The following GRIN2A variants were observed in gnomAD, a reference collection of about 807,000 sequenced individuals.
The protein encoded by GRIN2A is glutamate receptor ionotropic, NMDA 2A.
Under a neutral mutation model 113.4 loss-of-function variants are expected in GRIN2A, and 22 were observed. The observed-to-expected ratio is 0.19, with a 90% CI of 0.14 to 0.28. The LOEUF (loss-of-function observed/expected upper bound fraction) is 0.28. Among genes scored for constraint, GRIN2A ranks in the 10% least tolerant of loss-of-function variants. GRIN2A has a pLI of 1.00. For missense variants in GRIN2A, 1,502 were observed against 1,887.0 expected, an observed-to-expected ratio of 0.80 and a Z score of 3.78; for synonymous variants, 827 against 738.4, an observed-to-expected ratio of 1.12 and a Z score of -1.94.
At chr16:10,108,228 C>T (rs2048534853) in intron 2 of GRIN2A, among the ~76,000 whole-genome samples, 1 of 152,196 alleles carries the variant, frequency 6.6e-6, no homozygotes, top group Admixed American at 6.5e-5. Flanking sequence ...AGGTGCAAGT[C>T]AAGTCTTACA....
At chr16:10,006,781 C>G (rs978484390) in intron 2 of GRIN2A, among the ~76,000 whole-genome samples, 1 of 152,184 alleles carries the variant, frequency 6.6e-6, no homozygotes, top group Non-Finnish European at 1.5e-5. Flanking sequence ...AGCACCCTCT[C>G]TCACAACTAC....
chr16:9,831,820 T>C (rs1388001391), intron 8 of GRIN2A, among the ~76,000 whole-genome samples: 1 of 152,054 alleles, frequency 6.6e-6, no homozygotes, highest in Non-Finnish European at 1.5e-5. Context: ...CTGGCCTCCC[T>C]CCATTGTATT....
rs932479098 is a variant in GRIN2A, at chr16:10,024,814, G to A, written c.415-86263C>T. On this transcript the variant is annotated intron_variant, in intron 2 of 12. Transcript: ENST00000330684. ...ACTGCTTAGCAATTATATCAAGTAA[G>A]AGCTGTTGGATGGCATGAGAGACCA... Among the ~76,000 whole-genome samples, 2 of 152,202 alleles carry A rather than the reference G, an allele frequency of 1.3e-5. 1 individual carries two copies. Among genetic ancestry groups the A allele is most frequent in the South Asian group, 4.1e-4 (2 of 4,822 alleles).
chr16:9,980,780 C>T (rs6497601), intron 2 of GRIN2A, among the ~76,000 whole-genome samples: 127,710 of 147,238 alleles, frequency 0.87, 55,695 homozygotes, highest in African/African-American at 0.93. Flanking sequence ...TAGGTGGGAA[C>T]TGAACAATGA....
rs2050234959 is a variant in GRIN2A at position 10,180,213 on chromosome 16, C to T, written c.199G>A (p.Val67Met). ...TTCATCAGCAGAGCTACCACGTTCA[C>T]GTCCAGGGGCAGCCCCGCCGCCTGC... ...PEQAAGLPLD[V>M]NVVALLMNRT... is the part of the protein sequence containing the mutation. The change falls in exon 2 of 13, where the codon GTG (valine) becomes ATG (methionine). Residue 67 changes from valine to methionine, a missense_variant. Physicochemically the swap from Val to Met is conservative, Grantham distance 21 (BLOSUM62 1). Transcript: ENST00000330684. The surrounding 1 kb of genome is among the most constrained non-coding windows in gnomAD (Gnocchi z 7.0). 1 of 1,614,022 alleles carries T rather than the reference C, an allele frequency of 6.2e-7. No individual in the cohort carries two copies. Among genetic ancestry groups the T allele is most frequent in the African/African-American group, 1.3e-5 (1 of 74,950 alleles).
chr16:9,898,287 T>C lies in GRIN2A; in HGVS notation c.1008-7187A>G, dbSNP rs577056288. Among the ~76,000 whole-genome samples the C allele has an allele frequency of 3.3e-5, 5 of 152,162 alleles. No individual in the cohort carries two copies. The East Asian group carries it at 9.6e-4, about 29-fold the overall frequency. On this transcript the variant is annotated intron_variant, in intron 3 of 12. Coordinates refer to ENST00000330684, the MANE Select transcript of GRIN2A (RefSeq NM_001134407.3). ...AACACCCTACTACAAATGCAATGCT[T>C]TTTAAAGCCATGCTTCCCCTTGCCA...
intron 2 of GRIN2A, among the ~76,000 whole-genome samples, chr16:10,019,709 G>A (rs760677442): frequency 6.6e-6 from 1 of 152,172 alleles, no homozygotes; most frequent in Non-Finnish European, 1.5e-5. Flanking sequence ...TCAGCTCAGC[G>A]AGGGTTCAGG....
chr16:9,759,982 C>A lies in GRIN2A; in HGVS notation c.*3167G>T, dbSNP rs550965301. 2 of 230,922 alleles carry A rather than the reference C, an allele frequency of 8.7e-6. No individual in the cohort carries two copies. The highest frequency in any genetic ancestry group is 4.4e-5 in the African/African-American group (2 of 45,198). 14.3% of individuals were successfully genotyped at this position (230,922 alleles called of 1,614,324 possible). On this transcript the variant is annotated 3_prime_UTR_variant, in exon 13 of 13. Coordinates refer to ENST00000330684, the MANE Select transcript of GRIN2A (RefSeq NM_001134407.3). ...TATTACCCATGGACAGAGACCCAAC[C>A]GTTTGCATTCAAGTGTACCTATCTG... is the stretch of plus-strand genomic sequence containing the variant.
At chr16:10,165,847 G>A (rs980402781) in intron 2 of GRIN2A, among the ~76,000 whole-genome samples, 3 of 151,908 alleles carry the variant, frequency 2.0e-5, no homozygotes, top group African/African-American at 7.3e-5. Context: ...GGAAAAACTA[G>A]TATCAATTAA....
intron 2 of GRIN2A, among the ~76,000 whole-genome samples, chr16:10,047,647 A>C (rs1281118286): frequency 6.6e-6 from 1 of 152,174 alleles, no homozygotes; most frequent in South Asian, 2.1e-4. Context: ...AATAGCCAGC[A>C]CCTTCATCTT....
intron 2 of GRIN2A, among the ~76,000 whole-genome samples, chr16:10,120,933 T>C (rs1354844801): frequency 6.6e-6 from 1 of 151,860 alleles, no homozygotes; most frequent in Non-Finnish European, 1.5e-5. Context: ...TAACTTCAGC[T>C]CATTGTGGCA....
intron 2 of GRIN2A, among the ~76,000 whole-genome samples, chr16:9,939,017 C>T (rs990624449): frequency 1.3e-5 from 2 of 152,174 alleles, no homozygotes; most frequent in Admixed American, 6.5e-5. Flanking sequence ...CTTTGTTATA[C>T]AAGCCAGTGA....
At chr16:9,892,269 T>C (rs1334551382) in intron 3 of GRIN2A, among the ~76,000 whole-genome samples, 2 of 151,830 alleles carry the variant, frequency 1.3e-5, no homozygotes, top group African/African-American at 2.4e-5. Flanking sequence ...TGGGAAGACA[T>C]AGAAGCGAGG....
intron 2 of GRIN2A, among the ~76,000 whole-genome samples, chr16:10,030,177 G>C (rs1443647756): frequency 4.7e-5 from 2 of 42,232 alleles, no homozygotes; most frequent in Non-Finnish European, 1.1e-4. Context: ...TCACGTTCTT[G>C]GGTGATTTTT....
intron 3 of GRIN2A, among the ~76,000 whole-genome samples, chr16:9,934,326 A>G (rs1472388827): frequency 1.3e-5 from 2 of 152,286 alleles, no homozygotes; most frequent in East Asian, 3.9e-4. Flanking sequence ...TAATTCATCT[A>G]TGTATCCCAG....
intron 4 of GRIN2A, among the ~76,000 whole-genome samples, chr16:9,855,993 C>T (rs1224870801): frequency 6.6e-6 from 1 of 152,186 alleles, no homozygotes; most frequent in African/African-American, 2.4e-5. Context: ...CTTGTCCATT[C>T]CTAGCTGGGG....
At chr16:10,067,784 G>C (rs2047677430) in intron 2 of GRIN2A, among the ~76,000 whole-genome samples, 1 of 152,102 alleles carries the variant, frequency 6.6e-6, no homozygotes, top group African/African-American at 2.4e-5. Context: ...CATGAGGGTT[G>C]TCATAAATTG....
At chr16:10,023,649 T>A (rs967545369) in intron 2 of GRIN2A, among the ~76,000 whole-genome samples, 1 of 152,182 alleles carries the variant, frequency 6.6e-6, no homozygotes, top group African/African-American at 2.4e-5. Flanking sequence ...TCATCTTGGT[T>A]CAATAACCTC....
intron 2 of GRIN2A, among the ~76,000 whole-genome samples, chr16:9,939,171 CTTAATAAG>C (rs1454806662): frequency 6.6e-6 from 1 of 152,086 alleles, no homozygotes; most frequent in Non-Finnish European, 1.5e-5. Context: ...ATTAAGTGTT[CTTAATAAG>C]AATTAAGTGG....
Sources: gnomAD v4.1 joint callset for allele counts (sites outside exome capture counted in the v4.1 genomes callset) on GRCh38, gnomAD v4.1.1 for gene constraint, Gnocchi (gnomAD v3.1) non-coding constraint, MANE v1.5 for transcripts, NCBI Gene and HGNC (gene_info 2026-07-23, HGNC 2026-07-21) for gene names.